LRRC73: variants seen among roughly 807,000 people sequenced by gnomAD.
The protein encoded by LRRC73 is leucine-rich repeat-containing protein 73.
A neutral mutation model predicts 26.4 loss-of-function variants in LRRC73; 16 were observed. The observed-to-expected ratio is 0.61, with a 90% CI of 0.41 to 0.92. The LOEUF (loss-of-function observed/expected upper bound fraction) is 0.92, where lower values mean the gene tolerates loss of function less well. Among genes scored for constraint, LRRC73 ranks in the 40% least tolerant of loss-of-function variants. The pLI is 0.00. For synonymous variants in LRRC73, 210 were observed against 179.8 expected (o/e 1.17, Z -1.34); for missense variants, 344 against 416.3 (o/e 0.83, Z 1.51).
At chr6:43,509,809 G>T (rs1792608870) in exon 1 of LRRC73, 2 of 1,491,750 alleles carry the variant, frequency 1.3e-6, no homozygotes, top group African/African-American at 2.9e-5. Flanking sequence ...GGGCCTCCGG[G>T]TACGGGGCCG....
At chr6:43,509,153 G>A (rs1792592078) in intron 1 of LRRC73, among the ~76,000 whole-genome samples, 1 of 152,104 alleles carries the variant, frequency 6.6e-6, no homozygotes, top group Non-Finnish European at 1.5e-5. Context: ...GCAGAGAAGG[G>A]GTGGGTGGGT....
At chr6:43,507,759 G>A in intron 4 of LRRC73, 67 bp downstream of exon 4, 1 of 1,589,472 alleles carries the variant, frequency 6.3e-7, no homozygotes, top group South Asian at 1.1e-5. Flanking sequence ...CCTTAGGTAT[G>A]TCATCAGACA....
Position 43,507,532 on chromosome 6 carries a change from G to A in LRRC73, c.804C>T (p.Gly268=), listed in dbSNP as rs145858984. Residue 268 remains glycine (G), a synonymous_variant, in exon 5 of 6, where the codon GGC becomes GGT. Transcript: ENST00000372441. ...GCCCTCTCTCCCATTCCTGGGTGTC[G>A]CCAGCCCCTCCTGCCACTTCCTCCT... 682 of 1,613,428 alleles carry A rather than the reference G, an allele frequency of 4.2e-4. 3 individuals are homozygous for A. The African/African-American group carries it at 4.3e-3, about 10-fold the overall frequency.
At chr6:43,509,871 G>A (rs367742528) in exon 1 of LRRC73, 32,696 of 1,259,638 alleles carry the variant, frequency 0.026, 502 homozygotes, top group South Asian at 0.035. Context: ...GCCGGGGTCG[G>A]GGCCCCGGCA....
chr6:43,507,503 T>TC lies in LRRC73; in HGVS notation c.832dup (p.Glu278GlyfsTer36). 1 of 1,613,170 alleles carries TC rather than the reference T, an allele frequency of 6.2e-7. No individual in the cohort carries two copies. The highest frequency in any genetic ancestry group is 8.5e-7 in the Non-Finnish European group (1 of 1,180,000). ...GCTGCCTCTCTGGTGGGCAGCAGGC[T>TC]CCCGCCCTCTCTCCCATTCCTGGGT... On this transcript the variant is annotated frameshift_variant, in exon 5 of 6. Transcript: ENST00000372441. LOFTEE classifies it high-confidence loss of function.
In LRRC73 at chr6:43,510,022, C is replaced by T. The variant is rs966277952; in HGVS notation, c.-237G>A. On this transcript the variant is annotated 5_prime_UTR_variant, in exon 1 of 6. Transcript: ENST00000372441. ...GCCAGAGGTGCGGAGGCGTCCAGGG[C>T]GCGGGCCGGGCTGAAGTGGGGCGGC... 820 of 305,384 alleles carry T rather than the reference C, an allele frequency of 2.7e-3. 12 individuals are homozygous for T. The highest frequency in any genetic ancestry group is 6.2e-3 in the East Asian group (108 of 17,410). 18.9% of individuals were successfully genotyped at this position (305,384 alleles called of 1,614,324 possible). A position where few individuals can be genotyped will look rare whatever the true frequency, so the allele number is the denominator to read the frequency against.
chr6:43,509,886 T>G, exon 1 of LRRC73: 1 of 1,106,392 alleles, frequency 9.0e-7, no homozygotes, highest in Non-Finnish European at 1.2e-6. Flanking sequence ...CCGGCAGGGG[T>G]CGCGGGCGGA....
At chr6:43,509,052 A>G in intron 1 of LRRC73, 132 bp from the exon 2 acceptor site, 1 of 945,956 alleles carries the variant, frequency 1.1e-6, no homozygotes, top group Non-Finnish European at 1.5e-6. Flanking sequence ...GGAAAAGGAG[A>G]AGGAAAGTTC....
chr6:43,509,443 A>T, intron 1 of LRRC73, 71 bp downstream of exon 1: 1 of 1,510,256 alleles, frequency 6.6e-7, no homozygotes, highest in South Asian at 1.3e-5. Flanking sequence ...AGTGTGGAGG[A>T]ACAGGAGGTG....
intron 1 of LRRC73, 60 bp from the exon 2 acceptor site, chr6:43,508,980 G>A (rs925989189): frequency 1.4e-6 from 2 of 1,439,910 alleles, no homozygotes; most frequent in African/African-American, 1.4e-5. Flanking sequence ...CATGGGAAAG[G>A]GGCACTTTCA....
chr6:43,508,701 T>G (rs1792579907), intron 2 of LRRC73, 59 bp downstream of exon 2: 1 of 1,542,366 alleles, frequency 6.5e-7, no homozygotes, highest in African/African-American at 1.4e-5. Flanking sequence ...CCCTTCCCTC[T>G]GCATTTCGAT....
chr6:43,508,444 C>G, intron 2 of LRRC73, 24 bp from the exon 3 acceptor site: 3 of 1,613,104 alleles, frequency 1.9e-6, no homozygotes, highest in Middle Eastern at 3.4e-4. Context: ...TAGCAAGAAA[C>G]CAGAATAGGG....
At chr6:43,509,324 G>C (rs1792597001) in intron 1 of LRRC73, among the ~76,000 whole-genome samples, 190 bp downstream of exon 1, 3 of 152,228 alleles carry the variant, frequency 2.0e-5, no homozygotes. Context: ...AACACGGCTA[G>C]GGTCGCGCGT....
chr6:43,509,807 G>A (rs746170224), exon 1 of LRRC73: 278 of 1,496,502 alleles, frequency 1.9e-4, no homozygotes, highest in Non-Finnish European at 2.4e-4. Flanking sequence ...CTGGGCCTCC[G>A]GGTACGGGGC....
rs111805040 is a variant in LRRC73, at chr6:43,507,993, A to G, written c.557-67T>C. On this transcript the variant is annotated intron_variant, in intron 3 of 5. Coordinates refer to ENST00000372441, the Ensembl canonical transcript of LRRC73. The stretch of plus-strand genomic sequence containing the variant: ...GCTAATCCTTACAGATAGCTTCCCC[A>G]TTGCCTTAACAACTTTAGATACTAA... 17 of 1,394,260 alleles carry G rather than the reference A, an allele frequency of 1.2e-5. No individual in the cohort carries two copies. In the African/African-American group the frequency reaches 1.9e-4, roughly 15 times the overall value. 86.4% of individuals were successfully genotyped at this position (1,394,260 alleles called of 1,614,324 possible).
chr6:43,507,127 G>A (rs1792513722), exon 6 of LRRC73: 1 of 1,128,284 alleles, frequency 8.9e-7, no homozygotes, highest in Middle Eastern at 2.6e-4. Flanking sequence ...GAGCCCCCAT[G>A]CAGCCCCTGA....
intron 2 of LRRC73, 140 bp downstream of exon 2, chr6:43,508,620 C>T (rs1792578384): frequency 7.2e-7 from 1 of 1,394,958 alleles, no homozygotes; most frequent in Non-Finnish European, 9.8e-7. Flanking sequence ...ATGCTGCCCC[C>T]CGTCCTGCCC....
exon 6 of LRRC73, chr6:43,507,092 C>T (rs902373223): frequency 1.3e-6 from 1 of 796,770 alleles, no homozygotes; most frequent in Non-Finnish European, 2.0e-6. Context: ...GAGCTTCCTT[C>T]CCACCACACT....
chr6:43,507,028 G>A, exon 6 of LRRC73: 1 of 582,856 alleles, frequency 1.7e-6, no homozygotes, highest in Non-Finnish European at 3.1e-6. Context: ...AAGTTCAAAG[G>A]CATTGCCGTG....
Sources: allele counts gnomAD v4.1 joint callset (sites outside exome capture counted in the v4.1 genomes callset), GRCh38; gene constraint gnomAD v4.1.1; transcripts MANE v1.5; gene names NCBI Gene and HGNC (gene_info 2026-07-23, HGNC 2026-07-21).